The following SORL1 variants were observed in gnomAD, a reference collection of about 807,000 sequenced individuals.
SORL1 encodes the protein sortilin-related receptor.
SORL1 carries 127 observed loss-of-function variants against 273.7 expected under a neutral mutation model. That is an observed-to-expected ratio of 0.46 (90% CI 0.40 to 0.54). The LOEUF (loss-of-function observed/expected upper bound fraction) is 0.54, where lower values mean the gene tolerates loss of function less well. Among genes scored for constraint, SORL1 ranks in the 20% least tolerant of loss-of-function variants. The pLI, the probability that SORL1 is intolerant of heterozygous loss-of-function variation, is 0.00. For missense variants in SORL1, 2,494 were observed against 2,846.1 expected, an observed-to-expected ratio of 0.88 and a Z score of 2.81; for synonymous variants, 1,031 against 1,067.4, an observed-to-expected ratio of 0.97 and a Z score of 0.66.
intron 3 of SORL1, among the ~76,000 whole-genome samples, chr11:121,482,857 G>A (rs1430488494): frequency 6.6e-6 from 1 of 152,250 alleles, no homozygotes. Context: ...GTGCTAGCGC[G>A]GCATCCAGTT....
chr11:121,464,267 C>T (rs1328228495), intron 1 of SORL1, among the ~76,000 whole-genome samples: 3 of 152,216 alleles, frequency 2.0e-5, no homozygotes, highest in South Asian at 2.1e-4. Flanking sequence ...CCATTCTATT[C>T]AGTGGCCCCA....
At chr11:121,586,912 G>C (rs1232137731) in intron 27 of SORL1, among the ~76,000 whole-genome samples, 4 of 152,086 alleles carry the variant, frequency 2.6e-5, no homozygotes, top group African/African-American at 9.7e-5. Context: ...GACATTTATG[G>C]TGCTCCTGGT....
chr11:121,547,169 G>A (rs1272339046), intron 14 of SORL1: 1 of 151,876 alleles, frequency 6.6e-6, no homozygotes, highest in Admixed American at 6.6e-5. Flanking sequence ...AGCTTTGTTG[G>A]CTCCAGGTAG....
intron 28 of SORL1, among the ~76,000 whole-genome samples, chr11:121,588,809 T>C (rs1863161571): frequency 6.6e-6 from 1 of 152,192 alleles, no homozygotes; most frequent in African/African-American, 2.4e-5. Context: ...CCTGGCCTCA[T>C]AGACGGCTGC....
intron 6 of SORL1, among the ~76,000 whole-genome samples, chr11:121,498,889 A>AG (rs1234080908): frequency 6.6e-6 from 1 of 151,256 alleles, no homozygotes; most frequent in African/African-American, 2.4e-5. Context: ...AAAAAAAAAA[A>AG]GTTATATTCT....
At chr11:121,505,599 T>G (rs1017763235) in intron 6 of SORL1, among the ~76,000 whole-genome samples, 1 of 152,134 alleles carries the variant, frequency 6.6e-6, no homozygotes, top group Non-Finnish European at 1.5e-5. Flanking sequence ...GGTATACATT[T>G]TCCTCTAATC....
At chr11:121,478,982 G>A (rs1861327776) in intron 3 of SORL1, among the ~76,000 whole-genome samples, 1 of 148,218 alleles carries the variant, frequency 6.7e-6, no homozygotes, top group Non-Finnish European at 1.5e-5. Flanking sequence ...GTGTGCACGT[G>A]GGTACCCACG....
In SORL1 at chr11:121,633,008, G is replaced by C. The variant is rs1863895497; in HGVS notation, c.*3445G>C. 6.6e-6 allele frequency: 1 copy of C among 152,168 alleles called. No individual in the cohort carries two copies. Among genetic ancestry groups the C allele is most frequent in the Non-Finnish European group, 1.5e-5 (1 of 68,026 alleles). The allele number at this position is 152,168 out of a possible 1,614,324, so 9.4% of individuals were successfully genotyped here. A position where few individuals can be genotyped will look rare whatever the true frequency, so the allele number is the denominator to read the frequency against. On this transcript the variant is annotated 3_prime_UTR_variant, in exon 48 of 48. Transcript: ENST00000260197. Reference sequence around the variant, plus strand: ...GAATCTTGTGTTGGGATTGTATCTTGACATTCCTGTTGTGTTATTTTTCTT... The same window carrying C: ...GAATCTTGTGTTGGGATTGTATCTTCACATTCCTGTTGTGTTATTTTTCTT...
chr11:121,508,009 G>T (rs534955631), intron 6 of SORL1, among the ~76,000 whole-genome samples: 99 of 152,254 alleles, frequency 6.5e-4, no homozygotes, highest in Non-Finnish European at 1.3e-3. Flanking sequence ...TCAAGTTTGT[G>T]TTCTTTATTG....
chr11:121,459,976 A>G (rs897692499), intron 1 of SORL1, among the ~76,000 whole-genome samples: 9 of 152,192 alleles, frequency 5.9e-5, no homozygotes, highest in Non-Finnish European at 1.3e-4. Flanking sequence ...ACCCTTCACA[A>G]TGATTTATCT....
At chr11:121,499,188 T>C (rs1424921832) in intron 6 of SORL1, among the ~76,000 whole-genome samples, 1 of 152,184 alleles carries the variant, frequency 6.6e-6, no homozygotes, top group Non-Finnish European at 1.5e-5. Context: ...TTTTGGTACT[T>C]TTATAGGCAA....
At chr11:121,460,959 G>A (rs1406597981) in intron 1 of SORL1, among the ~76,000 whole-genome samples, 1 of 152,174 alleles carries the variant, frequency 6.6e-6, no homozygotes, top group African/African-American at 2.4e-5. Context: ...TGGGGAGAAA[G>A]GCCAGTGCTG....
intron 19 of SORL1, 145 bp from the exon 20 acceptor site, chr11:121,558,446 G>C (rs1862624285): frequency 1.3e-6 from 1 of 772,832 alleles, no homozygotes; most frequent in South Asian, 1.7e-5. Context: ...GTAGTTTCAG[G>C]TGTTGTCATT....
chr11:121,569,779 C>G (rs1862809260), intron 22 of SORL1, among the ~76,000 whole-genome samples: 1 of 152,162 alleles, frequency 6.6e-6, no homozygotes, highest in South Asian at 2.1e-4. Flanking sequence ...ATTCTATTAC[C>G]TTGTGAAGCA....
At position 121,590,921 on chromosome 11, in the gene SORL1, G is replaced by T. The variant is rs184894849; in HGVS notation, c.4214-80G>T. The stretch of plus-strand genomic sequence containing the variant: ...AGGTACAGCTAAAACTGGGACATCC[G>T]CACTAGGTTTGGGACATATTTGGTC... On this transcript the variant is annotated intron_variant, in intron 30 of 47. Transcript: ENST00000260197. The T allele has an allele frequency of 2.7e-4, 414 of 1,521,774 alleles. 1 individual carries two copies. The East Asian group carries it at 8.7e-3, about 32-fold the overall frequency. 94.3% of individuals were successfully genotyped at this position (1,521,774 alleles called of 1,614,324 possible).
chr11:121,517,683 C>G (rs1255523593), intron 8 of SORL1, among the ~76,000 whole-genome samples: 1 of 152,194 alleles, frequency 6.6e-6, no homozygotes, highest in Non-Finnish European at 1.5e-5. Flanking sequence ...GAAGGCCTCC[C>G]CTCCTTGCCT....
At chr11:121,509,885 C>T (rs1225732389) in intron 6 of SORL1, among the ~76,000 whole-genome samples, 2 of 152,180 alleles carry the variant, frequency 1.3e-5, no homozygotes, top group East Asian at 1.9e-4. Flanking sequence ...ATCATTTCTA[C>T]TAGTTGATGA....
chr11:121,572,855 C>T (rs980409670), intron 23 of SORL1, among the ~76,000 whole-genome samples: 1 of 152,186 alleles, frequency 6.6e-6, no homozygotes, highest in Non-Finnish European at 1.5e-5. Flanking sequence ...CTGCCTCCCA[C>T]CACGAGCTCA....
At chr11:121,611,393 C>T (rs933807026) in intron 39 of SORL1, 11 of 397,484 alleles carry the variant, frequency 2.8e-5, no homozygotes, top group Admixed American at 1.2e-4. Flanking sequence ...TTATCCTTAA[C>T]CATATAATTA....
Sources: gnomAD v4.1 joint callset for allele counts (sites outside exome capture counted in the v4.1 genomes callset) on GRCh38, gnomAD v4.1.1 for gene constraint, MANE v1.5 for transcripts, NCBI Gene and HGNC (gene_info 2026-07-23, HGNC 2026-07-21) for gene names.